The following TXNRD2 variants were observed in gnomAD, a reference collection of about 807,000 sequenced individuals.
TXNRD2 encodes the protein thioredoxin reductase 2, mitochondrial.
Under a neutral mutation model 70.8 loss-of-function variants are expected in TXNRD2, and 67 were observed. The observed-to-expected ratio is 0.95, with a 90% CI of 0.78 to 1.16. The LOEUF is 1.16. Among genes scored for constraint, TXNRD2 ranks in the 50% most tolerant of loss-of-function variants. The pLI is 0.00. For synonymous variants in TXNRD2, 301 were observed against 295.8 expected (o/e 1.02, Z -0.18); for missense variants, 644 against 719.9 (o/e 0.89, Z 1.21).
At chr22:19,919,050 C>T in intron 3 of TXNRD2, 46 bp from the exon 4 acceptor site, 1 of 1,586,024 alleles carries the variant, frequency 6.3e-7, no homozygotes. Flanking sequence ...CAGGTGACTG[C>T]TGGAGGCTTC....
intron 1 of TXNRD2, among the ~76,000 whole-genome samples, chr22:19,935,350 G>A (rs902127993): frequency 1.3e-5 from 2 of 152,128 alleles, no homozygotes; most frequent in East Asian, 1.9e-4. Flanking sequence ...AAAAAACTCC[G>A]TCCTGGTAAA....
At chr22:19,901,298 T>C (rs1056257509) in intron 8 of TXNRD2, among the ~76,000 whole-genome samples, 3 of 152,172 alleles carry the variant, frequency 2.0e-5, no homozygotes, top group Non-Finnish European at 4.4e-5. Flanking sequence ...AGCTCCCGCC[T>C]CAAGGGCCAC....
chr22:19,898,980 G>T, intron 9 of TXNRD2, 69 bp downstream of exon 9: 1 of 1,589,712 alleles, frequency 6.3e-7, no homozygotes, highest in Non-Finnish European at 8.5e-7. Context: ...AGGGCGGGTG[G>T]CAGGGAGGGA....
intron 7 of TXNRD2, 68 bp downstream of exon 7, chr22:19,915,146 A>T: frequency 1.3e-6 from 2 of 1,487,138 alleles, no homozygotes; most frequent in East Asian, 2.3e-5. Flanking sequence ...CGTGTGTAAA[A>T]ACGTATCCCT....
intron 11 of TXNRD2, chr22:19,894,772 A>C (rs921599325): frequency 6.7e-5 from 20 of 296,518 alleles, no homozygotes; most frequent in Non-Finnish European, 1.2e-4. Context: ...GGTGGATCAC[A>C]AGGTCAGGAG....
chr22:19,914,986 C>A (rs191224122), intron 7 of TXNRD2: 42 of 542,316 alleles, frequency 7.7e-5, no homozygotes, highest in Admixed American at 6.7e-4. Context: ...AGGGGGAGAG[C>A]AGAACGAGAG....
chr22:19,907,201 T>C (rs1940079121), intron 8 of TXNRD2, among the ~76,000 whole-genome samples: 1 of 73,464 alleles, frequency 1.4e-5, no homozygotes, highest in Non-Finnish European at 2.6e-5. Context: ...GTGACCGCTC[T>C]CAGGAGAGTG....
intron 8 of TXNRD2, among the ~76,000 whole-genome samples, chr22:19,909,960 TCACACACACACCACACACACCATTCA>T (rs1418477268): frequency 1.2e-4 from 12 of 100,126 alleles, no homozygotes; most frequent in Non-Finnish European, 1.9e-4. Context: ...CACACACCAC[TCACACACACACCACACACACCATTCA>T]CACACACACA....
chr22:19,880,764 A>G (rs575600624), intron 12 of TXNRD2, 47 bp from the exon 13 acceptor site: 1 of 1,398,758 alleles, frequency 7.1e-7, no homozygotes, highest in East Asian at 2.3e-5. Context: ...GTCCGGGGTT[A>G]TATGCAGCCC....
intron 6 of TXNRD2, 40 bp from the exon 7 acceptor site, chr22:19,915,316 A>G (rs950698628): frequency 6.3e-7 from 1 of 1,598,762 alleles, no homozygotes; most frequent in Non-Finnish European, 8.5e-7. Context: ...AGACAGGTGC[A>G]TGGTGATCAC....
chr22:19,909,090 C>G (rs780021113), intron 8 of TXNRD2, among the ~76,000 whole-genome samples: 1 of 151,480 alleles, frequency 6.6e-6, no homozygotes, highest in Admixed American at 6.6e-5. Flanking sequence ...CCTGTAGTCC[C>G]GGCTACTCAG....
At chr22:19,889,083 C>T (rs747011943) in intron 11 of TXNRD2, among the ~76,000 whole-genome samples, 3 of 152,068 alleles carry the variant, frequency 2.0e-5, no homozygotes, top group Non-Finnish European at 4.4e-5. Flanking sequence ...TGCCAGCAGC[C>T]ACCAGGGACC....
intron 8 of TXNRD2, among the ~76,000 whole-genome samples, chr22:19,900,440 A>T (rs1939721322): frequency 6.6e-6 from 1 of 152,228 alleles, no homozygotes; most frequent in Non-Finnish European, 1.5e-5. Flanking sequence ...AGTGAAAGGT[A>T]CAAGCTTTTG....
At chr22:19,920,480 G>T (rs1407075517) in intron 2 of TXNRD2, among the ~76,000 whole-genome samples, 1 of 152,198 alleles carries the variant, frequency 6.6e-6, no homozygotes, top group East Asian at 1.9e-4. Context: ...CTACCCGGGA[G>T]GCTGAGGCAA....
At chr22:19,919,771 G>A (rs559605726) in intron 2 of TXNRD2, among the ~76,000 whole-genome samples, 172 bp from the exon 3 acceptor site, 39 of 152,288 alleles carry the variant, frequency 2.6e-4, no homozygotes, top group African/African-American at 8.7e-4. Flanking sequence ...CTGCCTCTGC[G>A]CTCTGGCCTG....
intron 8 of TXNRD2, among the ~76,000 whole-genome samples, chr22:19,909,575 C>CCCTT (rs1940234655): frequency 8.2e-6 from 1 of 121,568 alleles, no homozygotes; most frequent in African/African-American, 3.4e-5. Flanking sequence ...CATACACACA[C>CCCTT]CACACACACA....
intron 14 of TXNRD2, among the ~76,000 whole-genome samples, chr22:19,879,369 C>T (rs535217647): frequency 2.0e-5 from 3 of 152,286 alleles, no homozygotes; most frequent in Admixed American, 1.3e-4. Context: ...CGAAGGCTTC[C>T]AGCTACCACG....
intron 14 of TXNRD2, 124 bp downstream of exon 14, chr22:19,880,055 G>A: frequency 9.9e-7 from 1 of 1,009,942 alleles, no homozygotes. Context: ...GCTACACACA[G>A]CCACTGCTCA....
intron 2 of TXNRD2, among the ~76,000 whole-genome samples, 179 bp from the exon 3 acceptor site, chr22:19,919,778 C>T (rs1170653540): frequency 6.6e-6 from 1 of 152,176 alleles, no homozygotes; most frequent in Non-Finnish European, 1.5e-5. Context: ...TGCGCTCTGG[C>T]CTGCTGAGCT....
Sources: gnomAD v4.1 joint callset for allele counts (sites outside exome capture counted in the v4.1 genomes callset) on GRCh38, gnomAD v4.1.1 for gene constraint, MANE v1.5 for transcripts, NCBI Gene and HGNC (gene_info 2026-07-23, HGNC 2026-07-21) for gene names.